The following ZNF385B variants were observed in gnomAD, a reference collection of about 807,000 sequenced individuals.
ZNF385B encodes the protein zinc finger protein 385B, also known as zinc finger protein 533.
Under a neutral mutation model 39.2 loss-of-function variants are expected in ZNF385B, and 23 were observed. That is an observed-to-expected ratio of 0.59 (90% confidence interval 0.42 to 0.83). ZNF385B has a LOEUF of 0.83. Among genes scored for constraint, ZNF385B ranks in the 40% least tolerant of loss-of-function variants. The pLI is 0.00. For missense variants in ZNF385B, 552 were observed against 598.9 expected, an observed-to-expected ratio of 0.92 and a Z score of 0.82; for synonymous variants, 205 against 222.6, an observed-to-expected ratio of 0.92 and a Z score of 0.70.
At chr2:179,755,993 T>C (rs1702989714) in intron 3 of ZNF385B, among the ~76,000 whole-genome samples, 1 of 152,226 alleles carries the variant, frequency 6.6e-6, no homozygotes. Context: ...AGCTGGTTAT[T>C]TTGCTCATTA....
chr2:179,586,523 C>T (rs2106054336), intron 3 of ZNF385B, among the ~76,000 whole-genome samples: 1 of 152,266 alleles, frequency 6.6e-6, no homozygotes, highest in South Asian at 2.1e-4. Flanking sequence ...TAATGAGTGG[C>T]TAAGTGAAGA....
At position 179,533,877 on chromosome 2, in the gene ZNF385B, T is replaced by C. The variant is rs567945709; in HGVS notation, c.441+10950A>G. Among the ~76,000 whole-genome samples the C allele has an allele frequency of 2.2e-4, 34 of 152,348 alleles. 1 individual carries two copies. In the South Asian group the frequency reaches 6.0e-3, roughly 27 times the overall value. On this transcript the variant is annotated intron_variant, in intron 4 of 9. Coordinates refer to ENST00000410066, the MANE Select transcript of ZNF385B (RefSeq NM_152520.6). ...ATTATGTCTTACTACTCTATGACAA[T>C]GTATCATAGGGACACAGCTCTCAGG...
chr2:179,563,028 T>C (rs1259580460), intron 3 of ZNF385B, among the ~76,000 whole-genome samples: 3 of 152,202 alleles, frequency 2.0e-5, no homozygotes, highest in Non-Finnish European at 4.4e-5. Flanking sequence ...CATGGATTTT[T>C]AGGTTTTAAA....
intron 6 of ZNF385B, among the ~76,000 whole-genome samples, chr2:179,476,535 A>G (rs2053467682): frequency 6.6e-6 from 1 of 152,200 alleles, no homozygotes; most frequent in Admixed American, 6.5e-5. Context: ...TTAGACCAAC[A>G]CTAAAAAATA....
At chr2:179,826,547 T>C (rs536981571) in intron 1 of ZNF385B, among the ~76,000 whole-genome samples, 135 of 152,172 alleles carry the variant, frequency 8.9e-4, no homozygotes, top group African/African-American at 3.1e-3. Flanking sequence ...ATACTCCCAA[T>C]AGGCACCTTT....
intron 3 of ZNF385B, among the ~76,000 whole-genome samples, chr2:179,740,759 G>C (rs1487608237): frequency 6.6e-6 from 1 of 152,048 alleles, no homozygotes; most frequent in Non-Finnish European, 1.5e-5. Flanking sequence ...TTAAATACAA[G>C]AAAAGGCCAC....
At position 179,706,150 on chromosome 2, in the gene ZNF385B, C is replaced by T. The variant is rs189447531; in HGVS notation, c.298+63353G>A. Among the ~76,000 whole-genome samples the T allele has an allele frequency of 2.2e-3, 337 of 152,276 alleles. 2 individuals are homozygous for T. Among genetic ancestry groups the T allele is most frequent in the African/African-American group, 7.8e-3 (324 of 41,540 alleles). On this transcript the variant is annotated intron_variant, in intron 3 of 9. Coordinates refer to ENST00000410066, the MANE Select transcript of ZNF385B (RefSeq NM_152520.6). ...TTTCTTATTTACGGGGAATACCAGA[C>T]CTCGGTTGATCCCATGGAATTCAGT...
intron 1 of ZNF385B, among the ~76,000 whole-genome samples, chr2:179,784,960 A>C (rs529961289): frequency 1.3e-5 from 2 of 152,240 alleles, no homozygotes; most frequent in East Asian, 3.9e-4. Flanking sequence ...ATATGTAGAT[A>C]TATTCACCAA....
chr2:179,770,407 G>A (rs1703947651), intron 2 of ZNF385B, 114 bp downstream of exon 2: 1 of 152,924 alleles, frequency 6.5e-6, no homozygotes, highest in Admixed American at 6.5e-5. Context: ...AAATATTCAT[G>A]TGTAGACACA....
chr2:179,637,355 T>G (rs1332494059), intron 3 of ZNF385B: 1 of 152,158 alleles, frequency 6.6e-6, no homozygotes, highest in Non-Finnish European at 1.5e-5. Flanking sequence ...TTATTTTTAT[T>G]TTTCAGACAC....
rs545989901 is a variant in ZNF385B at position 179,822,445 on chromosome 2, T to C, written c.-155+38656A>G. Among the ~76,000 whole-genome samples the C allele has an allele frequency of 4.6e-5, 7 of 152,368 alleles. No individual in the cohort carries two copies. In the East Asian group the frequency reaches 9.6e-4, roughly 21 times the overall value. ...AATAATGATGAAAATTATAATATTA[T>C]ATCTGATTCAACATATTCTTAATTA... is the stretch of plus-strand genomic sequence containing the variant. On this transcript the variant is annotated intron_variant, in intron 1 of 9. Transcript: ENST00000410066.
At chr2:179,835,927 C>T (rs142270590) in intron 1 of ZNF385B, among the ~76,000 whole-genome samples, 128 of 152,188 alleles carry the variant, frequency 8.4e-4, no homozygotes, top group African/African-American at 2.8e-3. Flanking sequence ...ACCCTCTTCA[C>T]AAATCGTTAA....
chr2:179,625,808 G>T (rs1369039117), intron 3 of ZNF385B, among the ~76,000 whole-genome samples: 1 of 152,044 alleles, frequency 6.6e-6, no homozygotes, highest in African/African-American at 2.4e-5. Context: ...GGATGGACAG[G>T]TCATGTAGTA....
rs142119353 is a variant in ZNF385B, at chr2:179,775,872, T to G, written c.-154-5200A>C. On this transcript the variant is annotated intron_variant, in intron 1 of 9. Transcript: ENST00000410066. ...CTTCACTGTGACACAGCTGCTTCTC[T>G]GCAAATTATCTTTTCTTTCATAAAA... Among the ~76,000 whole-genome samples the G allele has an allele frequency of 7.9e-5, 12 of 152,358 alleles. No individual in the cohort carries two copies. In the East Asian group the frequency reaches 2.3e-3, roughly 29 times the overall value.
At chr2:179,692,971 G>T (rs768427122) in intron 3 of ZNF385B, among the ~76,000 whole-genome samples, 26 of 152,174 alleles carry the variant, frequency 1.7e-4, no homozygotes, top group Non-Finnish European at 1.2e-4. Context: ...ACTCGGTGTG[G>T]TCCCTGCACC....
intron 3 of ZNF385B, among the ~76,000 whole-genome samples, chr2:179,596,778 T>C (rs188953807): frequency 6.6e-6 from 1 of 152,316 alleles, no homozygotes; most frequent in East Asian, 1.9e-4. Context: ...ATATCTCAAA[T>C]TGTCAAGACT....
chr2:179,466,866 A>G (rs2052077485), intron 6 of ZNF385B, among the ~76,000 whole-genome samples: 1 of 134,480 alleles, frequency 7.4e-6, no homozygotes, highest in Non-Finnish European at 1.5e-5. Context: ...GATTGCAGTG[A>G]GCTGAGAACG....
chr2:179,814,529 C>G, intron 1 of ZNF385B: 2 of 751,192 alleles, frequency 2.7e-6, no homozygotes, highest in Non-Finnish European at 4.4e-6. Context: ...TCATGGTTGT[C>G]TTGGGGACTG....
intron 6 of ZNF385B, among the ~76,000 whole-genome samples, chr2:179,458,272 A>G (rs560651857): frequency 6.6e-6 from 1 of 152,240 alleles, no homozygotes; most frequent in East Asian, 1.9e-4. Flanking sequence ...AAGTCTCACG[A>G]GATCTGATGG....
Sources: allele counts gnomAD v4.1 joint callset (sites outside exome capture counted in the v4.1 genomes callset), GRCh38; gene constraint gnomAD v4.1.1; transcripts MANE v1.5; gene names NCBI Gene and HGNC (gene_info 2026-07-23, HGNC 2026-07-21).